Variants in PI4KB observed in about 807,000 individuals in gnomAD.
The protein encoded by PI4KB is PtdIns 4-kinase beta.
In PI4KB, 23 loss-of-function variants were observed where a neutral mutation model predicts 81.4. The observed-to-expected ratio is 0.28, with a 90% CI of 0.20 to 0.40. The LOEUF is 0.40. Ranked by LOEUF, PI4KB falls within the 10% of genes least tolerant of loss-of-function variation. The pLI, the probability that PI4KB is intolerant of heterozygous loss-of-function variation, is 1.00. For missense variants in PI4KB, 651 were observed against 1,036.6 expected, an observed-to-expected ratio of 0.63 and a Z score of 5.11; for synonymous variants, 381 against 406.8, an observed-to-expected ratio of 0.94 and a Z score of 0.76.
chr1:151,304,343 G>GTTTTT (rs587741967), intron 5 of PI4KB, among the ~76,000 whole-genome samples: 2 of 135,274 alleles, frequency 1.5e-5, no homozygotes, highest in Non-Finnish European at 1.6e-5. Context: ...CTGGCTGTGT[G>GTTTTT]TTTTTTTTTT....
rs1695014349 is a variant in PI4KB at position 151,298,810 on chromosome 1, G to A, written c.2013C>T (p.Asp671=). The change falls in exon 9 of 12, where the codon GAC becomes GAT. Residue 671 remains aspartate (D), a splice_region_variant and synonymous_variant. Coordinates refer to ENST00000368873, the MANE Select transcript of PI4KB (RefSeq NM_001369623.2). Reference sequence around the variant, plus strand: ...GATGAGCAGCAGAAGTCACCTACCTGTCCTTGACTTGCAGCAGGTAGCAGA... The same window carrying A: ...GATGAGCAGCAGAAGTCACCTACCTATCCTTGACTTGCAGCAGGTAGCAGA... ...CLVCYLLQVK[D]RHNGNILLDA... The A allele has an allele frequency of 6.2e-7, 1 of 1,611,686 alleles. No homozygotes were observed. The highest frequency in any genetic ancestry group is 8.5e-7 in the Non-Finnish European group (1 of 1,178,344).
intron 1 of PI4KB, among the ~76,000 whole-genome samples, chr1:151,322,620 T>C (rs768217812): frequency 1.1e-4 from 16 of 152,254 alleles, no homozygotes; most frequent in African/African-American, 1.4e-4. Context: ...TATATTTTCA[T>C]AGAATGGCTT....
chr1:151,306,484 C>T, intron 4 of PI4KB, 121 bp from the exon 5 acceptor site: 1 of 664,750 alleles, frequency 1.5e-6, no homozygotes, highest in Non-Finnish European at 2.7e-6. Flanking sequence ...ATCCAATAGT[C>T]CTCTGAAACT....
intron 2 of PI4KB, among the ~76,000 whole-genome samples, chr1:151,314,506 T>C (rs1158150580): frequency 6.6e-6 from 1 of 152,224 alleles, no homozygotes; most frequent in African/African-American, 2.4e-5. Context: ...TCCTAAGTTA[T>C]ACCTCCAACT....
chr1:151,310,121 T>G, intron 3 of PI4KB, 90 bp downstream of exon 3: 1 of 910,080 alleles, frequency 1.1e-6, no homozygotes, highest in African/African-American at 1.7e-5. Context: ...AACTCCAGCC[T>G]TGGCCTGGGG....
chr1:151,299,633 T>C, intron 8 of PI4KB, among the ~76,000 whole-genome samples: 1 of 151,864 alleles, frequency 6.6e-6, no homozygotes, highest in Admixed American at 6.6e-5. Flanking sequence ...GAGGTTGCAG[T>C]GAGCCAAGAT....
chr1:151,301,676 C>A (rs1178286623), intron 8 of PI4KB, among the ~76,000 whole-genome samples, 168 bp downstream of exon 8: 1 of 152,226 alleles, frequency 6.6e-6, no homozygotes, highest in Non-Finnish European at 1.5e-5. Context: ...GGATTACAGG[C>A]ATGAACCACC....
intron 1 of PI4KB, among the ~76,000 whole-genome samples, chr1:151,325,202 G>A (rs538990777): frequency 3.1e-4 from 47 of 151,888 alleles, no homozygotes; most frequent in Admixed American, 2.1e-3. Context: ...CATGTTGGCC[G>A]GACTGGTCTT....
At chr1:151,317,139 C>CTTT (rs34628896) in intron 1 of PI4KB, among the ~76,000 whole-genome samples, 21 of 126,954 alleles carry the variant, frequency 1.7e-4, no homozygotes, top group African/African-American at 2.7e-4. Flanking sequence ...TTTACAAATT[C>CTTT]TTTTTTTTTT....
Position 151,292,729 on chromosome 1 carries a change from G to T in PI4KB, c.*123C>A. The T allele has an allele frequency of 2.4e-6, 2 of 849,546 alleles. No homozygotes were observed. Among genetic ancestry groups the T allele is most frequent in the Non-Finnish European group, 3.6e-6 (2 of 556,892 alleles). 52.6% of individuals were successfully genotyped at this position (849,546 alleles called of 1,614,324 possible). On this transcript the variant is annotated 3_prime_UTR_variant, in exon 12 of 12. Transcript: ENST00000368873. ...TACCACATGATCCTTCGTGTTTCTT[G>T]CCTTCCATTTCCCTTGGGTGGATGG...
At chr1:151,326,885 A>G (rs1428819516) in intron 1 of PI4KB, among the ~76,000 whole-genome samples, 3 of 152,156 alleles carry the variant, frequency 2.0e-5, no homozygotes, top group Admixed American at 6.5e-5. Context: ...GAAAAGAGAT[A>G]AAGGTGGAGT....
intron 3 of PI4KB, among the ~76,000 whole-genome samples, chr1:151,309,035 T>C (rs909638671): frequency 1.3e-5 from 2 of 152,164 alleles, no homozygotes; most frequent in African/African-American, 4.8e-5. Context: ...GAGTGCCACA[T>C]AGGGACTGAA....
chr1:151,300,428 G>A (rs1177951057), intron 8 of PI4KB, among the ~76,000 whole-genome samples: 2 of 152,144 alleles, frequency 1.3e-5, no homozygotes, highest in Admixed American at 6.5e-5. Flanking sequence ...CTCACATGGA[G>A]AAACCCTATC....
chr1:151,322,411 C>T (rs1215409110), intron 1 of PI4KB, among the ~76,000 whole-genome samples: 1 of 152,178 alleles, frequency 6.6e-6, no homozygotes, highest in Non-Finnish European at 1.5e-5. Context: ...TTCTTATCAC[C>T]TCAAAAGATT....
chr1:151,307,252 C>T (rs1011775552), intron 4 of PI4KB, among the ~76,000 whole-genome samples: 2 of 151,922 alleles, frequency 1.3e-5, no homozygotes, highest in African/African-American at 4.8e-5. Context: ...CTGGAAAGCC[C>T]AAGAGTTATA....
At chr1:151,304,340 TGTG>T (rs1276356553) in intron 5 of PI4KB, among the ~76,000 whole-genome samples, 1 of 112,102 alleles carries the variant, frequency 8.9e-6, no homozygotes, top group Non-Finnish European at 2.0e-5. Context: ...AACCTGGCTG[TGTG>T]TTTTTTTTTT....
chr1:151,310,408 A>C (rs1178485093), intron 2 of PI4KB, among the ~76,000 whole-genome samples, 153 bp from the exon 3 acceptor site: 1 of 152,214 alleles, frequency 6.6e-6, no homozygotes, highest in East Asian at 1.9e-4. Context: ...CAACTCAGAA[A>C]TGCTACTTGC....
rs147489621 is a variant in PI4KB at position 151,315,518 on chromosome 1, T to C, written c.909+55A>G. The C allele has an allele frequency of 1.2e-3, 1,428 of 1,209,396 alleles. 2 individuals carry two copies. The highest frequency in any genetic ancestry group is 4.9e-3 in the Middle Eastern group (20 of 4,054). The allele number at this position is 1,209,396 out of a possible 1,614,324, so 74.9% of individuals were successfully genotyped here. On this transcript the variant is annotated intron_variant, in intron 2 of 11. Transcript: ENST00000368873. Reference sequence around the variant, plus strand: ...CCCTGTGTGTATATAGGAGGCATCCTGTCTCCATGCAGCCCTCTACCACCT... The same window carrying C: ...CCCTGTGTGTATATAGGAGGCATCCCGTCTCCATGCAGCCCTCTACCACCT...
At chr1:151,309,439 C>T (rs1696031286) in intron 3 of PI4KB, among the ~76,000 whole-genome samples, 1 of 152,036 alleles carries the variant, frequency 6.6e-6, no homozygotes, top group Non-Finnish European at 1.5e-5. Context: ...GGGATTAGCA[C>T]AGAACAGAGA....
Sources: allele counts gnomAD v4.1 joint callset (sites outside exome capture counted in the v4.1 genomes callset), GRCh38; gene constraint gnomAD v4.1.1; transcripts MANE v1.5; gene names NCBI Gene and HGNC (gene_info 2026-07-23, HGNC 2026-07-21).